The following PRKCE variants were observed in gnomAD, a reference collection of about 807,000 sequenced individuals.
PRKCE encodes the protein protein kinase C epsilon type.
PRKCE carries 16 observed loss-of-function variants against 85.4 expected under a neutral mutation model. The observed-to-expected ratio is 0.19, with a 90% CI of 0.13 to 0.28. The LOEUF is 0.28. Ranked by LOEUF, PRKCE falls within the 10% of genes least tolerant of loss-of-function variation. The pLI is 1.00. For missense variants in PRKCE, 573 were observed against 975.2 expected (o/e 0.59, Z 5.49); for synonymous variants, 388 against 371.5 (o/e 1.04, Z -0.51).
intron 1 of PRKCE, among the ~76,000 whole-genome samples, chr2:45,683,358 T>C (rs1018473143): frequency 2.0e-5 from 3 of 152,188 alleles, no homozygotes; most frequent in Non-Finnish European, 4.4e-5. Context: ...CATTAGGAAA[T>C]GTGAGACATC....
intron 2 of PRKCE, among the ~76,000 whole-genome samples, chr2:45,874,733 A>T (rs569319051): frequency 6.6e-6 from 1 of 152,136 alleles, no homozygotes; most frequent in Non-Finnish European, 1.5e-5. Flanking sequence ...TAGGAGTCCA[A>T]CAAGATGCAG....
At chr2:45,888,207 C>A (rs1027909817) in intron 2 of PRKCE, among the ~76,000 whole-genome samples, 1 of 152,194 alleles carries the variant, frequency 6.6e-6, no homozygotes, top group Non-Finnish European at 1.5e-5. Context: ...TCCTCTAGCT[C>A]CTGCTTAGCT....
At chr2:45,914,084 G>A (rs1558826811) in intron 2 of PRKCE, among the ~76,000 whole-genome samples, 1 of 152,246 alleles carries the variant, frequency 6.6e-6, no homozygotes, top group Non-Finnish European at 1.5e-5. Flanking sequence ...CTCTACATGT[G>A]TAGCAAAGTG....
At chr2:45,889,747 T>A (rs1573763660) in intron 2 of PRKCE, among the ~76,000 whole-genome samples, 1 of 152,210 alleles carries the variant, frequency 6.6e-6, no homozygotes, top group Admixed American at 6.5e-5. Flanking sequence ...TGTGGCTCCC[T>A]CCATTTTTAT....
chr2:45,744,415 T>C (rs566882007), intron 1 of PRKCE, among the ~76,000 whole-genome samples: 40 of 10,266 alleles, frequency 3.9e-3, no homozygotes, highest in African/African-American at 7.1e-3. Context: ...TTCTTTTCTT[T>C]TCTTTCTTTC....
At chr2:45,702,854 G>T (rs993443777) in intron 1 of PRKCE, among the ~76,000 whole-genome samples, 3 of 152,072 alleles carry the variant, frequency 2.0e-5, no homozygotes, top group African/African-American at 7.2e-5. Flanking sequence ...CCTTACTCTG[G>T]GAGTAGAAGG....
intron 1 of PRKCE, among the ~76,000 whole-genome samples, chr2:45,785,125 A>T (rs1277374667): frequency 2.0e-5 from 3 of 152,222 alleles, no homozygotes; most frequent in African/African-American, 7.2e-5. Flanking sequence ...TTGCATTAAA[A>T]AATACTATGG....
At chr2:45,707,089 T>A (rs367776869) in intron 1 of PRKCE, among the ~76,000 whole-genome samples, 4 of 152,176 alleles carry the variant, frequency 2.6e-5, no homozygotes, top group African/African-American at 9.7e-5. Context: ...TATTCCTCAG[T>A]CTAACAAATA....
chr2:45,810,050 C>CT (rs76447437), intron 1 of PRKCE, among the ~76,000 whole-genome samples: 87,925 of 151,184 alleles, frequency 0.58, 25,981 homozygotes, highest in Non-Finnish European at 0.62. Flanking sequence ...TAAAGGATAA[C>CT]TTTTTTTGAG....
intron 14 of PRKCE, among the ~76,000 whole-genome samples, chr2:46,180,113 G>A (rs1175788285): frequency 6.6e-6 from 1 of 152,224 alleles, no homozygotes; most frequent in Admixed American, 6.5e-5. Context: ...TCAGTGTGGT[G>A]AGTACTAAGT....
At chr2:45,683,635 G>A (rs561742307) in intron 1 of PRKCE, among the ~76,000 whole-genome samples, 4 of 152,320 alleles carry the variant, frequency 2.6e-5, no homozygotes, top group African/African-American at 7.2e-5. Context: ...GAGCTGGGGG[G>A]AAATGCTTTG....
intron 1 of PRKCE, among the ~76,000 whole-genome samples, chr2:45,713,109 G>A (rs1035079834): frequency 2.6e-5 from 4 of 152,144 alleles, no homozygotes; most frequent in African/African-American, 4.8e-5. Flanking sequence ...ATCTCCCTGG[G>A]CCTCAGTTTC....
chr2:45,713,902 A>T (rs568233985), intron 1 of PRKCE, among the ~76,000 whole-genome samples: 1 of 152,210 alleles, frequency 6.6e-6, no homozygotes, highest in Non-Finnish European at 1.5e-5. Flanking sequence ...TCTATAAAGC[A>T]TTGGTTTGCA....
In PRKCE at chr2:45,907,060, G is replaced by T. The variant is rs1018916160; in HGVS notation, c.412+63997G>T. Reference sequence around the variant, plus strand: ...CCCAGTTGCTCCAAAATTAGGCGTCGGAGGTCTAAGTGGTATAGACGGAAG... The same window carrying T: ...CCCAGTTGCTCCAAAATTAGGCGTCTGAGGTCTAAGTGGTATAGACGGAAG... On this transcript the variant is annotated intron_variant, in intron 2 of 14. Coordinates refer to ENST00000306156, the MANE Select transcript of PRKCE (RefSeq NM_005400.3). This position sits in a 1 kb window ranked among gnomAD's most constrained non-coding sequence, Gnocchi z 4.5. Among the ~76,000 whole-genome samples, 3 of 149,744 alleles carry T rather than the reference G, an allele frequency of 2.0e-5. No individual in the cohort carries two copies. The highest frequency in any genetic ancestry group is 7.3e-5 in the African/African-American group (3 of 41,282).
chr2:45,777,695 A>G (rs891841036), intron 1 of PRKCE, among the ~76,000 whole-genome samples: 1 of 152,134 alleles, frequency 6.6e-6, no homozygotes, highest in Non-Finnish European at 1.5e-5. Context: ...CACCCCTGTA[A>G]AGGTCATACG....
At chr2:46,055,932 G>A (rs1023910183) in intron 10 of PRKCE, among the ~76,000 whole-genome samples, 1 of 152,176 alleles carries the variant, frequency 6.6e-6, no homozygotes, top group African/African-American at 2.4e-5. Flanking sequence ...CAAAGTGCTG[G>A]GATTACAGGT....
At chr2:45,992,458 T>G (rs1703879794) in intron 6 of PRKCE, among the ~76,000 whole-genome samples, 3 of 152,176 alleles carry the variant, frequency 2.0e-5, no homozygotes. Context: ...TTCTCCTCAT[T>G]CTGCGTGAAC....
At chr2:45,693,971 C>T (rs1239600243) in intron 1 of PRKCE, among the ~76,000 whole-genome samples, 4 of 151,812 alleles carry the variant, frequency 2.6e-5, no homozygotes, top group South Asian at 2.1e-4. Context: ...GAAAGAAGTC[C>T]GACTCGTGTG....
intron 2 of PRKCE, among the ~76,000 whole-genome samples, chr2:45,969,261 A>G (rs924556931): frequency 3.3e-5 from 5 of 151,990 alleles, no homozygotes; most frequent in Non-Finnish European, 5.9e-5. Flanking sequence ...GTTTCCCAAA[A>G]GTTATCCAGC....
Sources: gnomAD v4.1 joint callset for allele counts (sites outside exome capture counted in the v4.1 genomes callset) on GRCh38, gnomAD v4.1.1 for gene constraint, Gnocchi (gnomAD v3.1) non-coding constraint, MANE v1.5 for transcripts, NCBI Gene and HGNC (gene_info 2026-07-23, HGNC 2026-07-21) for gene names.